SLC1A3: variants seen among roughly 807,000 people sequenced by gnomAD.
SLC1A3 encodes the protein excitatory amino acid transporter 1.
SLC1A3 carries 21 observed loss-of-function variants against 48.1 expected under a neutral mutation model. That is an observed-to-expected ratio of 0.44 (90% confidence interval 0.31 to 0.63). The LOEUF (loss-of-function observed/expected upper bound fraction) is 0.63, where lower values mean the gene tolerates loss of function less well. SLC1A3 is among the 20% of genes least tolerant of loss of function. SLC1A3 has a pLI of 0.08. For synonymous variants in SLC1A3, 239 were observed against 251.4 expected (o/e 0.95, Z 0.47); for missense variants, 546 against 689.0 (o/e 0.79, Z 2.32).
chr5:36,671,375 T>G, intron 4 of SLC1A3, 142 bp downstream of exon 4: 1 of 711,148 alleles, frequency 1.4e-6, no homozygotes, highest in Non-Finnish European at 2.6e-6. Flanking sequence ...CTTTACCTCT[T>G]TCTTATAGAA....
intron 3 of SLC1A3, among the ~76,000 whole-genome samples, chr5:36,660,649 G>A (rs1004286680): frequency 2.6e-5 from 4 of 152,230 alleles, no homozygotes; most frequent in Non-Finnish European, 4.4e-5. Flanking sequence ...TACTCCGACA[G>A]TGTTTTCACT....
intron 3 of SLC1A3, among the ~76,000 whole-genome samples, chr5:36,635,346 C>G (rs547146902): frequency 6.6e-6 from 1 of 152,290 alleles, no homozygotes; most frequent in Non-Finnish European, 1.5e-5. Context: ...AGAGTAGCAG[C>G]AAGAGCTGTC....
In SLC1A3 at chr5:36,683,994, T is replaced by G. The variant is rs1742544116; in HGVS notation, c.1420T>G (p.Phe474Val). The G allele has an allele frequency of 6.2e-6, 10 of 1,614,144 alleles. No individual in the cohort carries two copies. Among genetic ancestry groups the G allele is most frequent in the Non-Finnish European group, 8.5e-6 (10 of 1,180,014 alleles). ...CACGCTCATCATCGCGGTGGACTGG[T>G]TCCTGTGAGTATGCTTGGCCTGCAT... is the stretch of plus-strand genomic sequence containing the variant. ...DITLIIAVDW[F>V]LDRLRTTTNV... is the part of the protein sequence containing the mutation. The change falls in exon 9 of 10, where the codon TTC becomes GTC. Residue 474 changes from phenylalanine (F) to valine (V), a missense_variant. Transcript: ENST00000265113.
At chr5:36,662,296 G>C (rs1561272530) in intron 3 of SLC1A3, among the ~76,000 whole-genome samples, 2 of 152,180 alleles carry the variant, frequency 1.3e-5, no homozygotes, top group Non-Finnish European at 2.9e-5. Context: ...AGATCCAAGG[G>C]TGGCTTTCGT....
At chr5:36,678,072 A>C (rs1382039631) in intron 6 of SLC1A3, among the ~76,000 whole-genome samples, 1 of 152,190 alleles carries the variant, frequency 6.6e-6, no homozygotes, top group African/African-American at 2.4e-5. Flanking sequence ...GCTTTGATTG[A>C]CCTAGGCTTT....
intron 1 of SLC1A3, 140 bp from the exon 2 acceptor site, chr5:36,608,189 T>C: frequency 1.9e-6 from 1 of 530,162 alleles, no homozygotes; most frequent in East Asian, 3.0e-5. Context: ...CACTGCAACC[T>C]TGAGGTCTGG....
At chr5:36,605,098 ATAT>A (rs1224205734), upstream of SLC1A3, among the ~76,000 whole-genome samples, 3 of 152,342 alleles carry the variant, frequency 2.0e-5, no homozygotes, top group Non-Finnish European at 4.4e-5. Context: ...TCACATCCTA[ATAT>A]TATTCCACCC....
At chr5:36,624,624 T>A (rs16903222) in intron 2 of SLC1A3, among the ~76,000 whole-genome samples, 6,617 of 152,282 alleles carry the variant, frequency 0.043, 509 homozygotes, top group African/African-American at 0.15. Context: ...GGTCAATGAC[T>A]AGGAGCTGTT....
At chr5:36,666,209 T>TATTG (rs1741740357) in intron 3 of SLC1A3, 1 of 152,186 alleles carries the variant, frequency 6.6e-6, no homozygotes, top group South Asian at 2.1e-4. Context: ...TTATGAAGTA[T>TATTG]ATTGTATTTT....
At chr5:36,673,711 A>G (rs1441866220) in intron 4 of SLC1A3, among the ~76,000 whole-genome samples, 1 of 152,216 alleles carries the variant, frequency 6.6e-6, no homozygotes, top group Non-Finnish European at 1.5e-5. Flanking sequence ...ACAATACCTT[A>G]GTTAGCCAGA....
At chr5:36,683,182 T>C (rs1459325156) in intron 8 of SLC1A3, among the ~76,000 whole-genome samples, 1 of 152,174 alleles carries the variant, frequency 6.6e-6, no homozygotes, top group African/African-American at 2.4e-5. Context: ...AACAAATTAT[T>C]ATTGTAACTC....
In SLC1A3 at chr5:36,608,605, G is replaced by C; in HGVS notation, c.181+1G>C. ...CTCACAGTCACCGCTGTCATTGTGG[G>C]TGAGTCATTTGATTAAAAACAAAAA... is the stretch of plus-strand genomic sequence containing the variant. On this transcript the variant is annotated splice_donor_variant, in intron 2 of 9. Coordinates refer to ENST00000265113, the MANE Select transcript of SLC1A3 (RefSeq NM_004172.5). LOFTEE classifies it high-confidence loss of function. 1 of 1,608,622 alleles carries C rather than the reference G, an allele frequency of 6.2e-7. No homozygotes were observed. The highest frequency in any genetic ancestry group is 8.5e-7 in the Non-Finnish European group (1 of 1,179,474).
At chr5:36,672,020 C>T (rs1352324865) in intron 4 of SLC1A3, among the ~76,000 whole-genome samples, 5 of 152,138 alleles carry the variant, frequency 3.3e-5, no homozygotes, top group Non-Finnish European at 5.9e-5. Flanking sequence ...TGCCAAGGTG[C>T]GGGCAGCCTT....
At chr5:36,658,025 G>C (rs1741352166) in intron 3 of SLC1A3, among the ~76,000 whole-genome samples, 1 of 152,208 alleles carries the variant, frequency 6.6e-6, no homozygotes, top group Non-Finnish European at 1.5e-5. Context: ...GGCAGGCAAT[G>C]TGCTAACCAG....
chr5:36,667,182 T>C (rs1741785256), intron 3 of SLC1A3, among the ~76,000 whole-genome samples: 1 of 152,198 alleles, frequency 6.6e-6, no homozygotes, highest in African/African-American at 2.4e-5. Flanking sequence ...CCACCCTCCA[T>C]TAAACATGCT....
intron 3 of SLC1A3, among the ~76,000 whole-genome samples, chr5:36,630,624 A>G (rs1740099443): frequency 6.6e-6 from 1 of 152,198 alleles, no homozygotes; most frequent in Non-Finnish European, 1.5e-5. Flanking sequence ...TCTCAAGGAT[A>G]TTTATACTAT....
intron 3 of SLC1A3, among the ~76,000 whole-genome samples, chr5:36,654,137 C>A (rs1741197488): frequency 6.6e-6 from 1 of 152,202 alleles, no homozygotes; most frequent in Non-Finnish European, 1.5e-5. Context: ...CCACCACGCC[C>A]AGCCTAATGT....
chr5:36,651,535 C>G (rs1309314429), intron 3 of SLC1A3, among the ~76,000 whole-genome samples: 1 of 132,438 alleles, frequency 7.6e-6, no homozygotes, highest in Non-Finnish European at 1.6e-5. Context: ...CTCCTCCTCC[C>G]CACCCTCCCA....
At chr5:36,604,911 G>T (rs889088949), upstream of SLC1A3, among the ~76,000 whole-genome samples, 7 of 149,054 alleles carry the variant, frequency 4.7e-5, no homozygotes, top group African/African-American at 7.3e-5. Flanking sequence ...AGCGGTGGGG[G>T]GGGGGGGTGT....
Sources: gnomAD v4.1 joint callset for allele counts (sites outside exome capture counted in the v4.1 genomes callset) on GRCh38, gnomAD v4.1.1 for gene constraint, MANE v1.5 for transcripts, NCBI Gene and HGNC (gene_info 2026-07-23, HGNC 2026-07-21) for gene names.